The following SLC71A1 variants were observed in gnomAD, a reference collection of about 807,000 sequenced individuals.
SLC71A1 encodes the protein hippocampus abundant gene transcript 1.
At chr1:100,069,690 GTTTC>G in the SLC71A1 span, 1 of 1,598,446 alleles carries the variant, frequency 6.3e-7, no homozygotes, top group Non-Finnish European at 8.6e-7. Context: ...GCACAGGTGA[GTTTC>G]TTTTTTTAGT....
At chr1:100,082,864 C>G in the SLC71A1 span, 1 of 152,470 alleles carries the variant, frequency 6.6e-6, no homozygotes, top group Admixed American at 6.5e-5. Context: ...GTATTTAGAG[C>G]CTGTAATCTA....
the SLC71A1 span, chr1:100,038,414 C>T: frequency 9.3e-6 from 9 of 964,320 alleles, no homozygotes; most frequent in Non-Finnish European, 1.3e-5. Flanking sequence ...CCGGTGCCTC[C>T]CTCCCTTCCC....
chr1:100,068,532 C>G, the SLC71A1 span: 5 of 1,614,092 alleles, frequency 3.1e-6, no homozygotes, highest in African/African-American at 1.3e-5. Flanking sequence ...CAGTGTTTCT[C>G]TCCTACCTAC....
the SLC71A1 span, among the ~76,000 whole-genome samples, chr1:100,077,495 C>T: frequency 6.6e-6 from 1 of 152,116 alleles, no homozygotes; most frequent in Non-Finnish European, 1.5e-5. Flanking sequence ...AAATGACAGG[C>T]TGAATTTTTG....
chr1:100,050,012 A>G, the SLC71A1 span: 3 of 1,434,844 alleles, frequency 2.1e-6, no homozygotes, highest in Admixed American at 5.6e-5. Context: ...GTGGTAAGTA[A>G]TCTTTTAAAT....
At chr1:100,062,110 CG>C in the SLC71A1 span, 1 of 524,264 alleles carries the variant, frequency 1.9e-6, no homozygotes, top group Admixed American at 3.8e-5. Flanking sequence ...AATTTTTTTG[CG>C]GTATGAGGCT....
chr1:100,074,953 A>C, the SLC71A1 span, among the ~76,000 whole-genome samples: 1 of 152,246 alleles, frequency 6.6e-6, no homozygotes, highest in Non-Finnish European at 1.5e-5. Flanking sequence ...TGAGGCTAAT[A>C]ATGCATTCTA....
At chr1:100,077,325 C>T in the SLC71A1 span, 2 of 987,254 alleles carry the variant, frequency 2.0e-6, no homozygotes, top group South Asian at 1.4e-5. Flanking sequence ...TGGTGTTAGC[C>T]CTTGTGTTTT....
the SLC71A1 span, among the ~76,000 whole-genome samples, chr1:100,071,834 A>G: frequency 6.6e-6 from 1 of 152,198 alleles, no homozygotes; most frequent in Non-Finnish European, 1.5e-5. Flanking sequence ...GCACTAGGTT[A>G]CAAGATGAAA....
At chr1:100,069,722 C>A in the SLC71A1 span, 2 of 1,352,762 alleles carry the variant, frequency 1.5e-6, no homozygotes, top group Non-Finnish European at 2.1e-6. Flanking sequence ...ATGTCAGTGA[C>A]CCTGGCTGGC....
chr1:100,057,643 C>T, the SLC71A1 span, among the ~76,000 whole-genome samples: 3 of 152,104 alleles, frequency 2.0e-5, no homozygotes, highest in Non-Finnish European at 4.4e-5. Flanking sequence ...TGTGAGCCAC[C>T]ACACCTGGCC....
the SLC71A1 span, among the ~76,000 whole-genome samples, chr1:100,039,771 T>G: frequency 6.6e-6 from 1 of 152,220 alleles, no homozygotes; most frequent in East Asian, 1.9e-4. Context: ...CCAAGTGATA[T>G]TTAAGATCAG....
At chr1:100,065,859 T>C in the SLC71A1 span, among the ~76,000 whole-genome samples, 2 of 142,392 alleles carry the variant, frequency 1.4e-5, no homozygotes, top group South Asian at 4.2e-4. Flanking sequence ...TCCTTTCCTC[T>C]TTCCTTTCCA....
At chr1:100,075,732 G>A in the SLC71A1 span, among the ~76,000 whole-genome samples, 1 of 152,182 alleles carries the variant, frequency 6.6e-6, no homozygotes, top group South Asian at 2.1e-4. Flanking sequence ...AGGCTGGAGT[G>A]CAGTGGTGTG....
the SLC71A1 span, among the ~76,000 whole-genome samples, chr1:100,042,480 T>A: frequency 6.6e-6 from 1 of 152,186 alleles, no homozygotes; most frequent in Non-Finnish European, 1.5e-5. Flanking sequence ...CCTGCAAGGA[T>A]GGCTGAAGTA....
chr1:100,038,191 C>G, the SLC71A1 span: 2 of 1,519,284 alleles, frequency 1.3e-6, no homozygotes, highest in South Asian at 2.4e-5. Flanking sequence ...GCCTGCCGCC[C>G]CGGGAGTGGC....
At chr1:100,038,409 G>T in the SLC71A1 span, 2 of 1,042,270 alleles carry the variant, frequency 1.9e-6, no homozygotes, top group Non-Finnish European at 2.9e-6. Flanking sequence ...GCGTCCCGGT[G>T]CCTCCCTCCC....
At chr1:100,051,114 C>G in the SLC71A1 span, among the ~76,000 whole-genome samples, 2 of 150,952 alleles carry the variant, frequency 1.3e-5, no homozygotes, top group South Asian at 4.2e-4. Flanking sequence ...AAAAAACAGC[C>G]GGGCGCGGTG....
the SLC71A1 span, among the ~76,000 whole-genome samples, chr1:100,063,103 T>C: frequency 6.6e-6 from 1 of 152,158 alleles, no homozygotes; most frequent in Non-Finnish European, 1.5e-5. Context: ...AGTAAATTTA[T>C]ACTGTTATGC....
Sources: gnomAD v4.1 joint callset for allele counts (sites outside exome capture counted in the v4.1 genomes callset) on GRCh38, gnomAD v4.1.1 for gene constraint, MANE v1.5 for transcripts, NCBI Gene and HGNC (gene_info 2026-07-23, HGNC 2026-07-21) for gene names.